The following PPARD variants were observed in gnomAD, a reference collection of about 807,000 sequenced individuals.
PPARD encodes peroxisome proliferator-activated receptor delta.
PPARD carries 6 observed loss-of-function variants against 39.5 expected under a neutral mutation model. The ratio of observed to expected loss-of-function variants is 0.15; its 90% CI spans 0.08 to 0.30. The LOEUF (loss-of-function observed/expected upper bound fraction) is 0.30, where lower values mean the gene tolerates loss of function less well. Ranked by LOEUF, PPARD falls within the 10% of genes least tolerant of loss-of-function variation. The pLI is 1.00. For missense variants in PPARD, 397 were observed against 596.8 expected (o/e 0.67, Z 3.49); for synonymous variants, 210 against 231.3 (o/e 0.91, Z 0.83).
In PPARD at chr6:35,392,432, G is replaced by A. The variant is rs1385296886; in HGVS notation, c.-101-18555G>A. Among the ~76,000 whole-genome samples the A allele has an allele frequency of 2.6e-5, 4 of 152,154 alleles. No homozygotes were observed. In the South Asian group the frequency reaches 8.3e-4, roughly 32 times the overall value. ...CACCGTTCCAGCCTCCGCCTGCCCA[G>A]ACTGGGAAGTACAGGCTGCACATAC... On this transcript the variant is annotated intron_variant, in intron 2 of 7. Coordinates refer to ENST00000360694, the MANE Select transcript of PPARD (RefSeq NM_006238.5).
At chr6:35,420,912 C>T (rs1191460813) in intron 4 of PPARD, among the ~76,000 whole-genome samples, 1 of 144,214 alleles carries the variant, frequency 6.9e-6, no homozygotes, top group Non-Finnish European at 1.5e-5. Flanking sequence ...CTGCAACCTC[C>T]ACCTCCCGGG....
chr6:35,386,883 G>A (rs983213569), intron 2 of PPARD, among the ~76,000 whole-genome samples: 6 of 152,002 alleles, frequency 3.9e-5, no homozygotes, highest in Admixed American at 2.6e-4. Flanking sequence ...GTGCTGTGAA[G>A]ACTAGCAGCA....
Position 35,425,039 on chromosome 6 carries a change from G to A in PPARD, c.1078+260G>A, listed in dbSNP as rs200622705. ...TGTAATCCCAGCACTTTGGCAGGCC[G>A]AGGCGGGTGGATCACTTGAGGTCAG... On this transcript the variant is annotated intron_variant, in intron 7 of 7. Coordinates refer to ENST00000360694, the MANE Select transcript of PPARD (RefSeq NM_006238.5). This position sits in a 1 kb window ranked among gnomAD's most constrained non-coding sequence, Gnocchi z 4.5. 3.0e-5 allele frequency: 39 copies of A among 1,281,218 alleles called. No homozygotes were observed. Among genetic ancestry groups the A allele is most frequent in the Non-Finnish European group, 3.2e-5 (32 of 1,005,248 alleles). The allele number at this position is 1,281,218 out of a possible 1,614,324, so 79.4% of individuals were successfully genotyped here.
chr6:35,391,377 T>C (rs1440648404), intron 2 of PPARD, among the ~76,000 whole-genome samples: 1 of 152,266 alleles, frequency 6.6e-6, no homozygotes, highest in African/African-American at 2.4e-5. Flanking sequence ...GTGTCATAGA[T>C]TGTCCACATT....
intron 2 of PPARD, among the ~76,000 whole-genome samples, chr6:35,376,628 C>T (rs935759769): frequency 2.0e-5 from 3 of 152,084 alleles, no homozygotes; most frequent in Non-Finnish European, 4.4e-5. Context: ...GGTCCTGGCT[C>T]AGTTTTTGTT....
chr6:35,356,973 A>C (rs552899599), intron 2 of PPARD, among the ~76,000 whole-genome samples: 2 of 152,356 alleles, frequency 1.3e-5, no homozygotes, highest in South Asian at 2.1e-4. Context: ...ATGAAGAAAG[A>C]AAGCATATGA....
At chr6:35,394,033 A>G (rs1764168497) in intron 2 of PPARD, among the ~76,000 whole-genome samples, 1 of 152,242 alleles carries the variant, frequency 6.6e-6, no homozygotes, top group Admixed American at 6.5e-5. Context: ...ACTTTATTAC[A>G]AAAGATGTTG....
intron 2 of PPARD, among the ~76,000 whole-genome samples, chr6:35,397,750 ACT>A (rs1764433911): frequency 6.6e-6 from 1 of 152,080 alleles, no homozygotes; most frequent in South Asian, 2.1e-4. Flanking sequence ...ATATATATAC[ACT>A]CTGCCAGATA....
intron 2 of PPARD, among the ~76,000 whole-genome samples, chr6:35,381,400 T>C (rs1763148163): frequency 6.6e-6 from 1 of 152,194 alleles, no homozygotes; most frequent in Non-Finnish European, 1.5e-5. Flanking sequence ...ATTTGGCAGC[T>C]AGAACAGAAA....
rs576214219 is a variant in PPARD at position 35,425,686 on chromosome 6, C to G, written c.1079-146C>G. On this transcript the variant is annotated intron_variant, in intron 7 of 7. Transcript: ENST00000360694. The surrounding 1 kb of genome is among the most constrained non-coding windows in gnomAD (Gnocchi z 4.5). ...ACCAGGGGTAGGGAGATTAGAACAC[C>G]CAGTGGAGCATTGCTGATGGGACAG... 6 of 1,251,040 alleles carry G rather than the reference C, an allele frequency of 4.8e-6. No homozygotes were observed. In the African/African-American group the frequency reaches 6.0e-5, roughly 13 times the overall value. 77.5% of individuals were successfully genotyped at this position (1,251,040 alleles called of 1,614,324 possible).
rs753578566 is a variant in PPARD at position 35,424,048 on chromosome 6, A to G, written c.527A>G (p.Lys176Arg). ...TACAACCCACAGGTGGCCGACCTGA[A>G]GGCCTTCTCCAAGCACATCTACAAT... ...SQYNPQVADL[K>R]AFSKHIYNAY... is the part of the protein sequence containing the mutation. The change falls in exon 6 of 8, where the codon AAG (lysine) becomes AGG (arginine). Residue 176 changes from lysine (K) to arginine (R), a missense_variant. Lys to Arg is a conservative substitution (Grantham distance 26). Transcript: ENST00000360694. The surrounding 1 kb of genome is among the most constrained non-coding windows in gnomAD (Gnocchi z 7.1). 1 of 1,614,084 alleles carries G rather than the reference A, an allele frequency of 6.2e-7. No homozygotes were observed. The highest frequency in any genetic ancestry group is 8.5e-7 in the Non-Finnish European group (1 of 1,180,034).
chr6:35,422,256 C>G (rs1042166804), intron 5 of PPARD, among the ~76,000 whole-genome samples: 15 of 152,182 alleles, frequency 9.9e-5, no homozygotes, highest in Non-Finnish European at 1.5e-4. Flanking sequence ...ATAATTGATA[C>G]CAGCTTGAAC....
At chr6:35,359,240 C>T (rs1582294059) in intron 2 of PPARD, among the ~76,000 whole-genome samples, 1 of 152,168 alleles carries the variant, frequency 6.6e-6, no homozygotes, top group East Asian at 1.9e-4. Flanking sequence ...GCCATAACAG[C>T]TTTTACTTTG....
chr6:35,421,746 C>T, intron 4 of PPARD, 74 bp from the exon 5 acceptor site: 1 of 1,486,216 alleles, frequency 6.7e-7, no homozygotes, highest in Non-Finnish European at 9.1e-7. Context: ...ACACCTTATA[C>T]ATAATCGGGC....
chr6:35,374,162 CTCTG>C (rs1292263841), intron 2 of PPARD, among the ~76,000 whole-genome samples: 1 of 152,056 alleles, frequency 6.6e-6, no homozygotes, highest in East Asian at 1.9e-4. Context: ...AGCTTTTCCA[CTCTG>C]TACATGGGAC....
intron 1 of PPARD, among the ~76,000 whole-genome samples, chr6:35,344,891 A>G (rs73411747): frequency 0.16 from 23,680 of 152,164 alleles, 4,173 homozygotes; most frequent in African/African-American, 0.43. Flanking sequence ...GCACTTGCAA[A>G]GATTTGGGTA....
rs188950689 is a variant in PPARD at position 35,356,189 on chromosome 6, T to G, written c.-102+9039T>G. ...CCATATCATGATACTAAAAGGTATCTAACAGCTGATTTTCATTGCTTTCAT... is the reference window on the plus strand; with the variant it reads ...CCATATCATGATACTAAAAGGTATCGAACAGCTGATTTTCATTGCTTTCAT... On this transcript the variant is annotated intron_variant, in intron 2 of 7. Transcript: ENST00000360694. Among the ~76,000 whole-genome samples, 4 of 152,310 alleles carry G rather than the reference T, an allele frequency of 2.6e-5. No homozygotes were observed. The East Asian group carries it at 7.7e-4, about 29-fold the overall frequency.
chr6:35,369,053 G>A (rs763556855), intron 2 of PPARD, among the ~76,000 whole-genome samples: 1 of 152,146 alleles, frequency 6.6e-6, no homozygotes, highest in Non-Finnish European at 1.5e-5. Context: ...GGTACACTTG[G>A]AAAAGTAGAT....
rs1197370734 is a variant in PPARD, at chr6:35,412,437, GCCCAC to G, written c.130+1224_130+1228del. Among the ~76,000 whole-genome samples, 4 of 152,218 alleles carry G rather than the reference GCCCAC, an allele frequency of 2.6e-5. No individual in the cohort carries two copies. The highest frequency in any genetic ancestry group is 9.6e-5 in the African/African-American group (4 of 41,456). ...GGCGGTGACTCAGGCAGAGGAGCAAGCCCACCCCGCAGAAATGGGCTCTGGACCCC... is the reference window on the plus strand; with the variant it reads ...GGCGGTGACTCAGGCAGAGGAGCAAGCCCGCAGAAATGGGCTCTGGACCCC... On this transcript the variant is annotated intron_variant, in intron 3 of 7. Coordinates refer to ENST00000360694, the MANE Select transcript of PPARD (RefSeq NM_006238.5). This position sits in a 1 kb window ranked among gnomAD's most constrained non-coding sequence, Gnocchi z 4.1.
Sources: gnomAD v4.1 joint callset for allele counts (sites outside exome capture counted in the v4.1 genomes callset) on GRCh38, gnomAD v4.1.1 for gene constraint, Gnocchi (gnomAD v3.1) non-coding constraint, MANE v1.5 for transcripts, NCBI Gene and HGNC (gene_info 2026-07-23, HGNC 2026-07-21) for gene names.